MRE11: variants seen among roughly 807,000 people sequenced by gnomAD.
MRE11 encodes MRE11 double strand break repair nuclease.
In MRE11, 62 loss-of-function variants were observed where a neutral mutation model predicts 91.7. That is an observed-to-expected ratio of 0.68 (90% confidence interval 0.55 to 0.84). MRE11 has a LOEUF of 0.84. Ranked by LOEUF, MRE11 falls within the 40% of genes least tolerant of loss-of-function variation. The pLI, the probability that MRE11 is intolerant of heterozygous loss-of-function variation, is 0.00. For synonymous variants in MRE11, 273 were observed against 271.4 expected (o/e 1.01, Z -0.06); for missense variants, 796 against 852.9 (o/e 0.93, Z 0.83).
rs1032210834 is a variant in MRE11, at chr11:94,429,080, A to G, written c.2070+831T>C. On this transcript the variant is annotated intron_variant, in intron 19 of 19. Transcript: ENST00000323929. ...AAGAAGAAGACACACAAAGCAGCCA[A>G]CAAACAAAAAGTGCTTATCATCACT... Among the ~76,000 whole-genome samples, 3 of 152,212 alleles carry G rather than the reference A, an allele frequency of 2.0e-5. No homozygotes were observed. The East Asian group carries it at 5.8e-4, about 29-fold the overall frequency.
chr11:94,474,335 GAC>G (rs1946798032), intron 7 of MRE11, among the ~76,000 whole-genome samples: 1 of 152,058 alleles, frequency 6.6e-6, no homozygotes, highest in East Asian at 1.9e-4. Context: ...ACATTGAAAG[GAC>G]ACAGAGGCCA....
intron 19 of MRE11, among the ~76,000 whole-genome samples, chr11:94,423,903 C>T (rs1170311970): frequency 6.6e-6 from 1 of 152,210 alleles, no homozygotes; most frequent in Non-Finnish European, 1.5e-5. Context: ...GAGTGAGACA[C>T]GTGGGTTCGT....
chr11:94,419,465 G>GGGGAGAGA lies in MRE11; in HGVS notation c.*659_*660insTCTCTCCC, dbSNP rs373002609. On this transcript the variant is annotated 3_prime_UTR_variant, in exon 20 of 20. Transcript: ENST00000323929. Reference sequence around the variant, plus strand: ...GAAGAGTGGGGAACGGGGGGGAGAGGGAGAGAGAGAGAGAGAGAGAGAGAG... The same window carrying GGGGAGAGA: ...GAAGAGTGGGGAACGGGGGGGAGAGGGGGAGAGAGAGAGAGAGAGAGAGAGAGAGAGAG... The GGGGAGAGA allele has an allele frequency of 1.3e-3, 292 of 216,342 alleles. 4 individuals carry two copies. In the South Asian group the frequency reaches 0.02, roughly 15 times the overall value. The allele number at this position is 216,342 out of a possible 1,614,324, so 13.4% of individuals were successfully genotyped here.
At chr11:94,494,521 G>A (rs141626105), upstream of MRE11, among the ~76,000 whole-genome samples, 34 of 152,278 alleles carry the variant, frequency 2.2e-4, no homozygotes, top group East Asian at 6.4e-3. Flanking sequence ...GCCTATCACT[G>A]AGTTGTTTGT....
At chr11:94,500,593 T>A in the MRE11 span, among the ~76,000 whole-genome samples, 1 of 152,238 alleles carries the variant, frequency 6.6e-6, no homozygotes, top group Non-Finnish European at 1.5e-5. Context: ...GAGTTTTTCA[T>A]AACTAAGGGT....
chr11:94,510,477 TC>T, the MRE11 span, among the ~76,000 whole-genome samples: 1 of 152,242 alleles, frequency 6.6e-6, no homozygotes, highest in African/African-American at 2.4e-5. Context: ...TTGACTTTTT[TC>T]CCACTGCTTC....
rs146641719 is a variant in MRE11, at chr11:94,418,759, C to T, written c.*1366G>A. 17 of 232,290 alleles carry T rather than the reference C, an allele frequency of 7.3e-5. No homozygotes were observed. The highest frequency in any genetic ancestry group is 1.4e-4 in the Non-Finnish European group (16 of 117,480). 14.4% of individuals were successfully genotyped at this position (232,290 alleles called of 1,614,324 possible). A position where few individuals can be genotyped will look rare whatever the true frequency, so the allele number is the denominator to read the frequency against. On this transcript the variant is annotated 3_prime_UTR_variant, in exon 20 of 20. Transcript: ENST00000323929. ...CCTTCCACTGAGTTAATGTTACTTGCTCAAATAACCCTTATGCTCAAGTTA... is the reference window on the plus strand; with the variant it reads ...CCTTCCACTGAGTTAATGTTACTTGTTCAAATAACCCTTATGCTCAAGTTA...
At chr11:94,493,250 TA>T in intron 1 of MRE11, among the ~76,000 whole-genome samples, 1 of 152,300 alleles carries the variant, frequency 6.6e-6, no homozygotes, top group East Asian at 1.9e-4. Flanking sequence ...CAGATATTTT[TA>T]AGTTGCACGC....
At chr11:94,428,327 C>T (rs189897862) in intron 19 of MRE11, among the ~76,000 whole-genome samples, 1 of 152,146 alleles carries the variant, frequency 6.6e-6, no homozygotes, top group Admixed American at 6.5e-5. Flanking sequence ...GCTAGGATAA[C>T]CGGCTAGCAA....
rs1270616264 is a variant in MRE11 at position 94,485,939 on chromosome 11, T to C, written c.299A>G (p.Asn100Ser). 1.2e-6 allele frequency: 2 copies of C among 1,612,954 alleles called. No individual in the cohort carries two copies. Among genetic ancestry groups the C allele is most frequent in the African/African-American group, 1.3e-5 (1 of 74,990 alleles). Reference protein sequence around the residue: ...QFEILSDQSVNFGFSKFPWVN... With the variant: ...QFEILSDQSVSFGFSKFPWVN... ...ATATACTTACTTACTAAAACCAAAG[T>C]TGACTGACTGATCACTGAGAATTTC... Residue 100 changes from asparagine to serine, a missense_variant, in exon 4 of 20, where the codon AAC becomes AGC. By Grantham distance (46) the Asn-to-Ser change is conservative. Coordinates refer to ENST00000323929, the MANE Select transcript of MRE11 (RefSeq NM_005591.4).
At chr11:94,443,918 ATTT>A (rs71036324) in intron 16 of MRE11, among the ~76,000 whole-genome samples, 15 of 135,162 alleles carry the variant, frequency 1.1e-4, no homozygotes, top group African/African-American at 1.4e-4. Context: ...CCTTCAACCA[ATTT>A]TTTTTTTTTT....
At chr11:94,485,609 T>C (rs1947120684) in intron 4 of MRE11, among the ~76,000 whole-genome samples, 1 of 125,850 alleles carries the variant, frequency 7.9e-6, no homozygotes, top group Admixed American at 7.8e-5. Context: ...CCACCATGTA[T>C]TTTTTTTTTT....
chr11:94,491,470 C>T (rs1270353007), intron 2 of MRE11, among the ~76,000 whole-genome samples: 1 of 152,072 alleles, frequency 6.6e-6, no homozygotes, highest in African/African-American at 2.4e-5. Flanking sequence ...TAAAGTTGGC[C>T]AACACAGAAT....
Position 94,416,641 on chromosome 11 carries a change from C to A in MRE11, c.*3484G>T, listed in dbSNP as rs1041641651. 1 of 147,030 alleles carries A rather than the reference C, an allele frequency of 6.8e-6. No homozygotes were observed. The highest frequency in any genetic ancestry group is 1.5e-5 in the Non-Finnish European group (1 of 67,206). The allele number at this position is 147,030 out of a possible 1,614,324, so 9.1% of individuals were successfully genotyped here. A position where few individuals can be genotyped will look rare whatever the true frequency, so the allele number is the denominator to read the frequency against. On this transcript the variant is annotated 3_prime_UTR_variant, in exon 20 of 20. Transcript: ENST00000323929. ...TGGGTGGATCACAAGGTCAGGAGATCGAGACCATCCTGGCTAACACAGAAA... is the reference window on the plus strand; with the variant it reads ...TGGGTGGATCACAAGGTCAGGAGATAGAGACCATCCTGGCTAACACAGAAA...
intron 11 of MRE11, among the ~76,000 whole-genome samples, chr11:94,462,370 T>A (rs1440682047): frequency 6.6e-6 from 1 of 152,144 alleles, no homozygotes; most frequent in Admixed American, 6.5e-5. Context: ...AATTTATAGA[T>A]TCAATGCCAT....
At position 94,419,318 on chromosome 11, in the gene MRE11, C is replaced by T. The variant is rs1945101557; in HGVS notation, c.*807G>A. On this transcript the variant is annotated 3_prime_UTR_variant, in exon 20 of 20. Coordinates refer to ENST00000323929, the MANE Select transcript of MRE11 (RefSeq NM_005591.4). ...CTTTACTGTAAGGTTCAACTGACCA[C>T]TCTACCTAAAACAAATTCTTCAATA... 1 of 232,984 alleles carries T rather than the reference C, an allele frequency of 4.3e-6. No individual in the cohort carries two copies. The allele number at this position is 232,984 out of a possible 1,614,324, so 14.4% of individuals were successfully genotyped here.
At chr11:94,425,443 A>G (rs1413524831) in intron 19 of MRE11, among the ~76,000 whole-genome samples, 1 of 152,218 alleles carries the variant, frequency 6.6e-6, no homozygotes, top group Non-Finnish European at 1.5e-5. Flanking sequence ...TACATAATCA[A>G]GTCTACAAAA....
At chr11:94,461,382 T>C (rs558411260) in intron 11 of MRE11, among the ~76,000 whole-genome samples, 4 of 152,302 alleles carry the variant, frequency 2.6e-5, no homozygotes, top group African/African-American at 9.6e-5. Context: ...CCATCTGCCA[T>C]CATTGCTACA....
chr11:94,429,831 T>C, intron 19 of MRE11, 80 bp downstream of exon 19: 2 of 1,238,990 alleles, frequency 1.6e-6, no homozygotes, highest in Non-Finnish European at 2.3e-6. Flanking sequence ...GAAAAAAAAG[T>C]TCAGCAACTA....
Sources: gnomAD v4.1 joint callset for allele counts (sites outside exome capture counted in the v4.1 genomes callset) on GRCh38, gnomAD v4.1.1 for gene constraint, MANE v1.5 for transcripts, NCBI Gene and HGNC (gene_info 2026-07-23, HGNC 2026-07-21) for gene names.